Variants in LRRC7 observed in about 807,000 individuals in gnomAD.
The protein encoded by LRRC7 is leucine rich repeat containing 7, also known as leucine-rich repeat-containing protein 7.
A neutral mutation model predicts 175.7 loss-of-function variants in LRRC7; 23 were observed. That is an observed-to-expected ratio of 0.13 (90% CI 0.09 to 0.19). LRRC7 has a LOEUF of 0.19. Ranked by LOEUF, LRRC7 falls within the 10% of genes least tolerant of loss-of-function variation. The pLI is 1.00. For missense variants in LRRC7, 1,354 were observed against 1,904.7 expected (o/e 0.71, Z 5.38); for synonymous variants, 685 against 680.9 (o/e 1.01, Z -0.09).
chr1:69,965,075 T>C (rs1651525417), intron 8 of LRRC7, among the ~76,000 whole-genome samples: 1 of 152,218 alleles, frequency 6.6e-6, no homozygotes, highest in African/African-American at 2.4e-5. Flanking sequence ...CTTCCTTGCA[T>C]GGAGTAGGTT....
rs60263018 is a variant in LRRC7 at position 69,656,363 on chromosome 1, G to T, written c.3-22018G>T. Among the ~76,000 whole-genome samples, 442 of 152,000 alleles carry T rather than the reference G, an allele frequency of 2.9e-3. 3 individuals are homozygous for T. The highest frequency in any genetic ancestry group is 1.0e-2 in the African/African-American group (415 of 41,514). On this transcript the variant is annotated intron_variant, in intron 1 of 26. Coordinates refer to ENST00000651989, the MANE Select transcript of LRRC7 (RefSeq NM_001370785.2). Reference sequence around the variant, plus strand: ...ATAATAATAAGCTATGTAATAACATGAACAAAACTGCAACTGTATAATAAT... The same window carrying T: ...ATAATAATAAGCTATGTAATAACATTAACAAAACTGCAACTGTATAATAAT...
rs138917815 is a variant in LRRC7, at chr1:70,038,968, C to T, written c.3144C>T (p.Tyr1048=). Residue 1048 remains tyrosine (Y), a synonymous_variant, in exon 21 of 27, where the codon TAC becomes TAT. Transcript: ENST00000651989. ...VPMLDDEMLT[Y]GSSKGPQQQK... is the part of the protein sequence containing the mutation. ...TGCTGGATGATGAGATGCTCACCTACGGAAGTAGTAAGGGGCCACAACAAC... is the reference window on the plus strand; with the variant it reads ...TGCTGGATGATGAGATGCTCACCTATGGAAGTAGTAAGGGGCCACAACAAC... The T allele has an allele frequency of 6.6e-4, 1,068 of 1,613,826 alleles. 8 individuals are homozygous for T. The highest frequency in any genetic ancestry group is 6.4e-3 in the South Asian group (583 of 91,064).
chr1:69,916,848 T>C (rs372307796), intron 7 of LRRC7, among the ~76,000 whole-genome samples: 1 of 152,216 alleles, frequency 6.6e-6, no homozygotes. Flanking sequence ...AAAACTAAGA[T>C]ATTTTCAGTG....
intron 26 of LRRC7, among the ~76,000 whole-genome samples, chr1:70,109,367 T>C (rs1665368950): frequency 6.6e-6 from 1 of 152,118 alleles, no homozygotes; most frequent in Admixed American, 6.6e-5. Context: ...AATCAGCTAC[T>C]CAAGTTTTCA....
intron 8 of LRRC7, among the ~76,000 whole-genome samples, chr1:69,933,873 T>C (rs1287340860): frequency 6.6e-6 from 1 of 152,226 alleles, no homozygotes; most frequent in Admixed American, 6.5e-5. Context: ...GAAATAACTT[T>C]TATTTTGTGT....
chr1:69,660,464 G>A (rs928175508), intron 1 of LRRC7, among the ~76,000 whole-genome samples: 5 of 152,104 alleles, frequency 3.3e-5, no homozygotes, highest in East Asian at 1.9e-4. Flanking sequence ...CGGCAAAAAC[G>A]TAGATAAAAG....
At chr1:69,943,785 A>G (rs1648990258) in intron 8 of LRRC7, among the ~76,000 whole-genome samples, 1 of 152,096 alleles carries the variant, frequency 6.6e-6, no homozygotes, top group Non-Finnish European at 1.5e-5. Context: ...TAGAAGCAAC[A>G]GGATTTGTTG....
intron 23 of LRRC7, among the ~76,000 whole-genome samples, chr1:70,072,578 A>ACTGCTG (rs6143270): frequency 1.1e-3 from 168 of 150,724 alleles, no homozygotes; most frequent in African/African-American, 2.6e-3. Context: ...GAGACAAAAA[A>ACTGCTG]CTGCTGCTGC....
At chr1:70,063,499 CAT>C (rs1661736324) in intron 23 of LRRC7, among the ~76,000 whole-genome samples, 1 of 152,168 alleles carries the variant, frequency 6.6e-6, no homozygotes, top group African/African-American at 2.4e-5. Flanking sequence ...GAAGTAAAGA[CAT>C]AACTCCTGGG....
intron 11 of LRRC7, among the ~76,000 whole-genome samples, chr1:70,009,178 CT>C (rs1283343816): frequency 3.3e-5 from 5 of 152,192 alleles, no homozygotes; most frequent in East Asian, 3.9e-4. Context: ...ACTTCTGCCC[CT>C]GAACATAAAT....
At chr1:69,962,140 GA>G (rs369026437) in intron 8 of LRRC7, among the ~76,000 whole-genome samples, 1,740 of 150,056 alleles carry the variant, frequency 0.012, 38 homozygotes, top group African/African-American at 0.04. Context: ...AATTTACCAA[GA>G]AAAAAAAACA....
chr1:69,799,841 T>G (rs1216462218), intron 4 of LRRC7, among the ~76,000 whole-genome samples: 1 of 152,108 alleles, frequency 6.6e-6, no homozygotes, highest in African/African-American at 2.4e-5. Flanking sequence ...CAGACGTGTT[T>G]TCTCTGGATT....
intron 2 of LRRC7, among the ~76,000 whole-genome samples, chr1:69,730,881 T>C (rs1390093942): frequency 1.3e-5 from 2 of 152,096 alleles, no homozygotes; most frequent in African/African-American, 4.8e-5. Flanking sequence ...TTTAATTGAC[T>C]CACAATTCAG....
chr1:69,865,469 C>CTTTTTTTTTTTTTTTTTTTCTTTTTTT (rs1684824368), intron 7 of LRRC7, among the ~76,000 whole-genome samples: 1 of 51,262 alleles, frequency 2.0e-5, no homozygotes, highest in Non-Finnish European at 3.4e-5. Context: ...AAGACAGTTC[C>CTTTTTTTTTTTTTTTTTTTCTTTTTTT]TTTTTTTTTT....
chr1:70,087,395 C>A (rs555975081), intron 24 of LRRC7, among the ~76,000 whole-genome samples: 10 of 152,040 alleles, frequency 6.6e-5, no homozygotes, highest in Non-Finnish European at 1.2e-4. Flanking sequence ...AAGATATAAC[C>A]CCAATTTTAA....
chr1:69,599,822 A>G (rs1646980744), intron 1 of LRRC7, among the ~76,000 whole-genome samples: 1 of 152,196 alleles, frequency 6.6e-6, no homozygotes, highest in Non-Finnish European at 1.5e-5. Flanking sequence ...TGGTTGTTCT[A>G]GCTCAAACAT....
At chr1:69,650,817 C>T (rs1366635812) in intron 1 of LRRC7, among the ~76,000 whole-genome samples, 1 of 152,208 alleles carries the variant, frequency 6.6e-6, no homozygotes, top group Non-Finnish European at 1.5e-5. Context: ...TACTCCTTGG[C>T]AGAATTTGGG....
At chr1:69,823,123 CT>C (rs1679491559) in intron 4 of LRRC7, among the ~76,000 whole-genome samples, 2 of 152,114 alleles carry the variant, frequency 1.3e-5, no homozygotes, top group Non-Finnish European at 2.9e-5. Context: ...TTTCTCTCCC[CT>C]CTTAATCCTC....
chr1:70,130,309 G>A lies in LRRC7; in HGVS notation c.*8422G>A, dbSNP rs1330179821. 2.0e-5 allele frequency: 3 copies of A among 152,172 alleles called. No homozygotes were observed. Among genetic ancestry groups the A allele is most frequent in the Non-Finnish European group, 4.4e-5 (3 of 68,040 alleles). 9.4% of individuals were successfully genotyped at this position (152,172 alleles called of 1,614,324 possible). On this transcript the variant is annotated 3_prime_UTR_variant, in exon 27 of 27. Transcript: ENST00000651989. The stretch of plus-strand genomic sequence containing the variant: ...ATATATCCTTAATGCCTGTCATAGT[G>A]TCAGAAACATAGTATAGGTTCTCAA...
Sources: gnomAD v4.1 joint callset for allele counts (sites outside exome capture counted in the v4.1 genomes callset) on GRCh38, gnomAD v4.1.1 for gene constraint, MANE v1.5 for transcripts, NCBI Gene and HGNC (gene_info 2026-07-23, HGNC 2026-07-21) for gene names.